Variants in CHST8 observed in about 807,000 individuals in gnomAD.
CHST8 encodes carbohydrate sulfotransferase 8, also known as GALNAC-4-ST1.
A neutral mutation model predicts 15.0 loss-of-function variants in CHST8; 10 were observed. The ratio of observed to expected loss-of-function variants is 0.67; its 90% CI spans 0.41 to 1.13. The LOEUF (loss-of-function observed/expected upper bound fraction) is 1.13. Among genes scored for constraint, CHST8 ranks in the 50% most tolerant of loss-of-function variants. The pLI, the probability that CHST8 is intolerant of heterozygous loss-of-function variation, is 0.00. For synonymous variants in CHST8, 259 were observed against 256.6 expected (o/e 1.01, Z -0.09); for missense variants, 634 against 608.2 (o/e 1.04, Z -0.45).
chr19:33,676,628 C>A lies in CHST8; in HGVS notation c.-87+8785C>A, dbSNP rs1281800433. Among the ~76,000 whole-genome samples, 6 of 152,232 alleles carry A rather than the reference C, an allele frequency of 3.9e-5. No homozygotes were observed. The East Asian group carries it at 1.2e-3, about 29-fold the overall frequency. ...TGATGGCTTACGCCTGTCATTCCAG[C>A]ACTTTAGGAGGCTGAGGCGGAAGGA... On this transcript the variant is annotated intron_variant, in intron 2 of 4. Transcript: ENST00000650847.
intron 3 of CHST8, among the ~76,000 whole-genome samples, chr19:33,736,282 C>A (rs949032239): frequency 2.0e-5 from 3 of 152,172 alleles, no homozygotes; most frequent in African/African-American, 7.2e-5. Flanking sequence ...AGATTCTATA[C>A]CAGCCTGGAG....
At chr19:33,730,230 T>G (rs2145324311) in intron 3 of CHST8, among the ~76,000 whole-genome samples, 1 of 152,274 alleles carries the variant, frequency 6.6e-6, no homozygotes, top group South Asian at 2.1e-4. Flanking sequence ...GGGGACAGTT[T>G]CAAAATGACA....
rs537532641 is a variant in CHST8, at chr19:33,728,967, G to A, written c.130+39576G>A. ...TCTGTGGACCACATCTGAGTCCTGC[G>A]GGATGGGCTTGGAATAAGCAAGAAG... On this transcript the variant is annotated intron_variant, in intron 3 of 4. Coordinates refer to ENST00000650847, the MANE Select transcript of CHST8 (RefSeq NM_001127895.2). Among the ~76,000 whole-genome samples the A allele has an allele frequency of 2.7e-4, 41 of 152,304 alleles. 1 individual carries two copies. The highest frequency in any genetic ancestry group is 8.2e-4 in the African/African-American group (34 of 41,568).
chr19:33,683,834 G>C (rs967195292), intron 2 of CHST8, among the ~76,000 whole-genome samples: 1 of 152,216 alleles, frequency 6.6e-6, no homozygotes, highest in African/African-American at 2.4e-5. Flanking sequence ...CCGCGATGGT[G>C]CTCTCAGGGA....
chr19:33,633,909 C>G (rs1462597913), intron 1 of CHST8, among the ~76,000 whole-genome samples: 1 of 151,848 alleles, frequency 6.6e-6, no homozygotes, highest in African/African-American at 2.4e-5. Flanking sequence ...GGTGGTCCTC[C>G]TGCTTCAGCC....
intron 3 of CHST8, among the ~76,000 whole-genome samples, chr19:33,730,184 G>A (rs954462445): frequency 7.9e-5 from 12 of 152,218 alleles, no homozygotes; most frequent in African/African-American, 2.6e-4. Flanking sequence ...CTATATTCCC[G>A]TCGAGAACCC....
intron 2 of CHST8, among the ~76,000 whole-genome samples, chr19:33,668,846 C>T (rs186592488): frequency 1.1e-4 from 17 of 152,028 alleles, no homozygotes; most frequent in East Asian, 3.9e-4. Flanking sequence ...GCGTGTGTGT[C>T]GCCATTTATA....
chr19:33,675,243 G>A (rs769547914), intron 2 of CHST8, among the ~76,000 whole-genome samples: 18 of 152,182 alleles, frequency 1.2e-4, no homozygotes, highest in Non-Finnish European at 2.5e-4. Context: ...TCAGCCCCAG[G>A]CACACTAGGT....
At chr19:33,651,569 G>T (rs755394289) in intron 1 of CHST8, among the ~76,000 whole-genome samples, 3 of 151,984 alleles carry the variant, frequency 2.0e-5, no homozygotes, top group Admixed American at 6.6e-5. Flanking sequence ...TAATTTGTTG[G>T]TGTACATAAT....
At chr19:33,678,352 G>A (rs1465103562) in intron 2 of CHST8, among the ~76,000 whole-genome samples, 1 of 152,136 alleles carries the variant, frequency 6.6e-6, no homozygotes, top group African/African-American at 2.4e-5. Flanking sequence ...TCCAGGATAG[G>A]GCCAAGAGAC....
In CHST8 at chr19:33,772,070, G is replaced by A; in HGVS notation, c.282G>A (p.Gln94=). The change falls in exon 5 of 5, where the codon CAG becomes CAA. Residue 94 remains glutamine (Q), a synonymous_variant. Transcript: ENST00000650847. ...PRGRNLPAPD[Q]PQPPLQRGTR... is the part of the protein sequence containing the mutation. Reference sequence around the variant, plus strand: ...GCCGCAACCTGCCAGCGCCTGACCAGCCTCAACCCCCGCTGCAGAGGGGAA... The same window carrying A: ...GCCGCAACCTGCCAGCGCCTGACCAACCTCAACCCCCGCTGCAGAGGGGAA... The A allele has an allele frequency of 6.2e-7, 1 of 1,612,540 alleles. No individual in the cohort carries two copies. Among genetic ancestry groups the A allele is most frequent in the Non-Finnish European group, 8.5e-7 (1 of 1,179,820 alleles).
In CHST8 at chr19:33,722,736, CG is replaced by C. The variant is rs565340454; in HGVS notation, c.130+33348del. Among the ~76,000 whole-genome samples the C allele has an allele frequency of 1.1e-4, 17 of 152,254 alleles. 1 individual carries two copies. The South Asian group carries it at 3.5e-3, about 32-fold the overall frequency. ...CCCACCCCGAGCGTAACTCCCATCA[CG>C]GGCCTTGGGAAGCTGGAACAGCCTA... On this transcript the variant is annotated intron_variant, in intron 3 of 4. Transcript: ENST00000650847.
intron 3 of CHST8, among the ~76,000 whole-genome samples, chr19:33,757,470 GA>G (rs1568358553): frequency 1.7e-4 from 7 of 41,748 alleles, no homozygotes; most frequent in Non-Finnish European, 3.4e-4. Context: ...AAGAAAGAAA[GA>G]AAGAAAGAAA....
chr19:33,642,895 T>C (rs535112301), intron 1 of CHST8, among the ~76,000 whole-genome samples: 13 of 152,340 alleles, frequency 8.5e-5, no homozygotes, highest in African/African-American at 2.9e-4. Flanking sequence ...ACTTTGCATA[T>C]CATGAATTCT....
chr19:33,701,465 A>T (rs1280010157), intron 3 of CHST8, among the ~76,000 whole-genome samples: 1 of 152,244 alleles, frequency 6.6e-6, no homozygotes, highest in Non-Finnish European at 1.5e-5. Flanking sequence ...AATTGATATT[A>T]ATAGAAACGG....
chr19:33,653,066 G>A (rs1210800148), intron 1 of CHST8, among the ~76,000 whole-genome samples: 1 of 152,088 alleles, frequency 6.6e-6, no homozygotes, highest in East Asian at 1.9e-4. Flanking sequence ...TCAACTTACA[G>A]CTGTTTACCA....
At chr19:33,689,061 CTTGTAGAGGG>C (rs1973043005) in intron 2 of CHST8, 105 bp from the exon 3 acceptor site, 2 of 482,952 alleles carry the variant, frequency 4.1e-6, no homozygotes, top group Middle Eastern at 5.5e-4. Flanking sequence ...CCCTGGGTAA[CTTGTAGAGGG>C]CAGAGTCATC....
chr19:33,671,119 C>T (rs74430709), intron 2 of CHST8, among the ~76,000 whole-genome samples: 8,354 of 152,068 alleles, frequency 0.055, 362 homozygotes, highest in Non-Finnish European at 0.077. Context: ...CAACAAGCAG[C>T]GGGGGCCCAG....
chr19:33,750,570 T>C (rs1974397204), intron 3 of CHST8, among the ~76,000 whole-genome samples: 1 of 150,086 alleles, frequency 6.7e-6, no homozygotes, highest in African/African-American at 2.4e-5. Context: ...CGAGAGCCAC[T>C]CCCCAGTGTC....
Sources: allele counts gnomAD v4.1 joint callset (sites outside exome capture counted in the v4.1 genomes callset), GRCh38; gene constraint gnomAD v4.1.1; transcripts MANE v1.5; gene names NCBI Gene and HGNC (gene_info 2026-07-23, HGNC 2026-07-21).